JADE1: variants seen among roughly 807,000 people sequenced by gnomAD.
The protein encoded by JADE1 is protein Jade-1.
In JADE1, 14 loss-of-function variants were observed where a neutral mutation model predicts 81.8. The ratio of observed to expected loss-of-function variants is 0.17; its 90% CI spans 0.11 to 0.27. The LOEUF (loss-of-function observed/expected upper bound fraction) is 0.27. Among genes scored for constraint, JADE1 ranks in the 10% least tolerant of loss-of-function variants. The probability of loss-of-function intolerance (pLI) is 1.00; values close to 1 mark genes in which losing one functional copy is unlikely to be tolerated. For missense variants in JADE1, 690 were observed against 1,047.9 expected (o/e 0.66, Z 4.71); for synonymous variants, 353 against 391.9 (o/e 0.90, Z 1.17).
chr4:128,810,415 G>A lies in JADE1; in HGVS notation c.-27+538G>A, dbSNP rs569548083. On this transcript the variant is annotated intron_variant, in intron 1 of 10. Transcript: ENST00000226319. The stretch of plus-strand genomic sequence containing the variant: ...AATCATCAATTAAACGCGTTTAGGA[G>A]CAGAAGCCCAGTTTAAGTTGGCTTT... 12 of 149,326 alleles carry A rather than the reference G, an allele frequency of 8.0e-5. No homozygotes were observed. The South Asian group carries it at 1.1e-3, about 13-fold the overall frequency. The allele number at this position is 149,326 out of a possible 1,614,324, so 9.3% of individuals were successfully genotyped here. A position where few individuals can be genotyped will look rare whatever the true frequency, so the allele number is the denominator to read the frequency against.
intron 1 of JADE1, among the ~76,000 whole-genome samples, chr4:128,819,890 C>T (rs748393542): frequency 3.9e-5 from 6 of 152,190 alleles, no homozygotes; most frequent in Non-Finnish European, 7.3e-5. Context: ...GTGGCTGGCA[C>T]AGGAGGAGAG....
rs879226444 is a variant in JADE1 at position 128,857,553 on chromosome 4, G to T, written c.981+99G>T. On this transcript the variant is annotated intron_variant, in intron 8 of 10. Coordinates refer to ENST00000226319, the MANE Select transcript of JADE1 (RefSeq NM_199320.4). The stretch of plus-strand genomic sequence containing the variant: ...GAACTGTCCAAGGGTTTGGAGAGGG[G>T]ACTAGAATCCAGGAAGCAGGACGAG... 3 of 943,438 alleles carry T rather than the reference G, an allele frequency of 3.2e-6. No homozygotes were observed. The African/African-American group carries it at 4.9e-5, about 16-fold the overall frequency. The allele number at this position is 943,438 out of a possible 1,614,324, so 58.4% of individuals were successfully genotyped here.
In JADE1 at chr4:128,813,407, C is replaced by CTTT. The variant is rs72296886; in HGVS notation, c.-27+3548_-27+3550dup. On this transcript the variant is annotated intron_variant, in intron 1 of 10. Transcript: ENST00000226319. ...TCTTAGTCTCATTTACTTACGGTCA[C>CTTT]TTTTTTTTTTTTTTTTTTTTGTTCC... 6.8e-3 allele frequency among the ~76,000 whole-genome samples: 783 copies of CTTT among 115,526 alleles called. 26 individuals are homozygous for CTTT. The highest frequency in any genetic ancestry group is 0.022 in the African/African-American group (655 of 29,846). 75.8% of individuals were successfully genotyped at this position (115,526 alleles called of 152,430 possible).
At chr4:128,823,029 A>G (rs1250686218) in intron 1 of JADE1, among the ~76,000 whole-genome samples, 1 of 152,192 alleles carries the variant, frequency 6.6e-6, no homozygotes, top group East Asian at 1.9e-4. Context: ...TTCTGAGTAG[A>G]TGGAAATAAG....
At chr4:128,822,546 T>C (rs1471762362) in intron 1 of JADE1, among the ~76,000 whole-genome samples, 2 of 143,534 alleles carry the variant, frequency 1.4e-5, no homozygotes, top group Non-Finnish European at 3.1e-5. Context: ...ACCCCGTCTC[T>C]AGTGAAAAAA....
intron 10 of JADE1, among the ~76,000 whole-genome samples, 179 bp downstream of exon 10, chr4:128,868,152 T>G (rs1731919561): frequency 6.6e-6 from 1 of 152,252 alleles, no homozygotes; most frequent in South Asian, 2.1e-4. Context: ...AAGCTATGAA[T>G]TTGCCCTCTA....
In JADE1 at chr4:128,873,502, T is replaced by C. The variant is rs1300216569; in HGVS notation, c.*1240T>C. Reference sequence around the variant, plus strand: ...GCAAATGGCAATAACTATTAAGTTATCAGCAATAATAAATTTAGCATTAAA... The same window carrying C: ...GCAAATGGCAATAACTATTAAGTTACCAGCAATAATAAATTTAGCATTAAA... On this transcript the variant is annotated 3_prime_UTR_variant, in exon 11 of 11. Transcript: ENST00000226319. 6.6e-6 allele frequency: 1 copy of C among 152,640 alleles called. No homozygotes were observed. The highest frequency in any genetic ancestry group is 1.5e-5 in the Non-Finnish European group (1 of 68,042). 9.5% of individuals were successfully genotyped at this position (152,640 alleles called of 1,614,324 possible). A position where few individuals can be genotyped will look rare whatever the true frequency, so the allele number is the denominator to read the frequency against.
chr4:128,820,875 A>G (rs1181280745), intron 1 of JADE1, among the ~76,000 whole-genome samples: 2 of 152,186 alleles, frequency 1.3e-5, no homozygotes, highest in Non-Finnish European at 1.5e-5. Context: ...TGATTTGTAT[A>G]TCCTGTATAA....
chr4:128,824,019 A>G (rs1173315077), intron 1 of JADE1, among the ~76,000 whole-genome samples: 1 of 152,236 alleles, frequency 6.6e-6, no homozygotes, highest in Non-Finnish European at 1.5e-5. Flanking sequence ...CCAATTATTA[A>G]GAATATAATG....
At position 128,872,361 on chromosome 4, in the gene JADE1, C is replaced by T. The variant is rs1338139686; in HGVS notation, c.*99C>T. ...GAAGCAGAAACCCATTAATCCTGAG[C>T]TACACAAACACATTTACTTGCAATT... On this transcript the variant is annotated 3_prime_UTR_variant, in exon 11 of 11. Transcript: ENST00000226319. 9 of 969,494 alleles carry T rather than the reference C, an allele frequency of 9.3e-6. No homozygotes were observed. The highest frequency in any genetic ancestry group is 5.0e-5 in the Admixed American group (2 of 39,744). The allele number at this position is 969,494 out of a possible 1,614,324, so 60.1% of individuals were successfully genotyped here.
rs930037167 is a variant in JADE1 at position 128,872,897 on chromosome 4, G to A, written c.*635G>A. 8.8e-6 allele frequency: 4 copies of A among 456,112 alleles called. No homozygotes were observed. Among genetic ancestry groups the A allele is most frequent in the Admixed American group, 7.0e-5 (3 of 42,556 alleles). 28.3% of individuals were successfully genotyped at this position (456,112 alleles called of 1,614,324 possible). On this transcript the variant is annotated 3_prime_UTR_variant, in exon 11 of 11. Transcript: ENST00000226319. Reference sequence around the variant, plus strand: ...GACAGGGTAGAGCTGCTGCAATATGGAGATTTAGGGTAATATGGCAAGGTC... The same window carrying A: ...GACAGGGTAGAGCTGCTGCAATATGAAGATTTAGGGTAATATGGCAAGGTC...
intron 1 of JADE1, chr4:128,811,747 G>C (rs1726412755): frequency 6.7e-6 from 1 of 149,350 alleles, no homozygotes; most frequent in Admixed American, 6.6e-5. Context: ...CCCGAAGCCC[G>C]ACGCGGTCCC....
chr4:128,821,493 CTTT>C (rs66551703), intron 1 of JADE1, among the ~76,000 whole-genome samples: 21 of 118,796 alleles, frequency 1.8e-4, no homozygotes, highest in Admixed American at 1.7e-4. Flanking sequence ...ATGGCTTCTT[CTTT>C]TTTTTTTTTT....
At chr4:128,814,970 C>T (rs1243705938) in intron 1 of JADE1, among the ~76,000 whole-genome samples, 1 of 151,898 alleles carries the variant, frequency 6.6e-6, no homozygotes, top group Non-Finnish European at 1.5e-5. Flanking sequence ...AATAGAGAAG[C>T]TTTGTCTAAA....
Position 128,828,910 on chromosome 4 carries a change from T to G in JADE1, c.-26-2823T>G, listed in dbSNP as rs145093526. Among the ~76,000 whole-genome samples, 234 of 152,262 alleles carry G rather than the reference T, an allele frequency of 1.5e-3. 3 individuals are homozygous for G. Among genetic ancestry groups the G allele is most frequent in the East Asian group, 0.014 (71 of 5,180 alleles). The stretch of plus-strand genomic sequence containing the variant: ...TCCTCCTGCCCTGGCGTCCCAAAGT[T>G]CTAGGATTACACATGTGAGCCACCG... On this transcript the variant is annotated intron_variant, in intron 1 of 10. Transcript: ENST00000226319.
At chr4:128,820,022 G>T (rs1427676108) in intron 1 of JADE1, among the ~76,000 whole-genome samples, 1 of 152,202 alleles carries the variant, frequency 6.6e-6, no homozygotes, top group South Asian at 2.1e-4. Flanking sequence ...CTCTTTAAAA[G>T]TAGGAAAGGT....
intron 1 of JADE1, among the ~76,000 whole-genome samples, chr4:128,821,099 A>G (rs1289046050): frequency 1.3e-5 from 2 of 152,184 alleles, no homozygotes; most frequent in Non-Finnish European, 2.9e-5. Context: ...TATTATAGAA[A>G]TTAGTACCTG....
intron 1 of JADE1, among the ~76,000 whole-genome samples, chr4:128,821,082 A>C (rs1274871996): frequency 6.6e-6 from 1 of 152,196 alleles, no homozygotes; most frequent in East Asian, 1.9e-4. Flanking sequence ...TGAAGTGTGT[A>C]GGTTTGTATT....
Position 128,872,382 on chromosome 4 carries a change from C to G in JADE1, c.*120C>G. ...TGAGCTACACAAACACATTTACTTG[C>G]AATTCAGATTAATTTTTTTCCAGAG... On this transcript the variant is annotated 3_prime_UTR_variant, in exon 11 of 11. Transcript: ENST00000226319. 2 of 819,040 alleles carry G rather than the reference C, an allele frequency of 2.4e-6. No individual in the cohort carries two copies. Among genetic ancestry groups the G allele is most frequent in the East Asian group, 2.6e-5 (1 of 37,780 alleles). 50.7% of individuals were successfully genotyped at this position (819,040 alleles called of 1,614,324 possible). A position where few individuals can be genotyped will look rare whatever the true frequency, so the allele number is the denominator to read the frequency against.
Sources: gnomAD v4.1 joint callset for allele counts (sites outside exome capture counted in the v4.1 genomes callset) on GRCh38, gnomAD v4.1.1 for gene constraint, MANE v1.5 for transcripts, NCBI Gene and HGNC (gene_info 2026-07-23, HGNC 2026-07-21) for gene names.